Variants in DENND4A observed in about 807,000 individuals in gnomAD.
DENND4A encodes the protein DENN domain containing 4A.
DENND4A carries 70 observed loss-of-function variants against 199.3 expected under a neutral mutation model. The ratio of observed to expected loss-of-function variants is 0.35; its 90% CI spans 0.29 to 0.43. The LOEUF (loss-of-function observed/expected upper bound fraction) is 0.43, where lower values mean the gene tolerates loss of function less well. DENND4A is among the 20% of genes least tolerant of loss of function. The pLI is 1.00. For synonymous variants in DENND4A, 686 were observed against 766.9 expected, an observed-to-expected ratio of 0.89 and a Z score of 1.74; for missense variants, 1,723 against 2,255.8, an observed-to-expected ratio of 0.76 and a Z score of 4.78.
intron 11 of DENND4A, among the ~76,000 whole-genome samples, chr15:65,724,246 A>T (rs553368854): frequency 5.3e-5 from 8 of 152,148 alleles, no homozygotes; most frequent in African/African-American, 1.9e-4. Flanking sequence ...TTTTGTAGAG[A>T]TGAGGTCTTG....
rs2075924757 is a variant in DENND4A, at chr15:65,730,419, CAT to C, written c.1167-743_1167-742del. Among the ~76,000 whole-genome samples the C allele has an allele frequency of 2.0e-5, 3 of 152,074 alleles. No homozygotes were observed. The South Asian group carries it at 6.2e-4, about 32-fold the overall frequency. On this transcript the variant is annotated intron_variant, in intron 9 of 32. Coordinates refer to ENST00000443035, the MANE Select transcript of DENND4A (RefSeq NM_001320835.1). ...CAAAAGCCTCTTGGTGAAATGAAAA[CAT>C]ATGTCCACAAAAAAATCGGGGTAAG...
intron 22 of DENND4A, among the ~76,000 whole-genome samples, chr15:65,694,560 AACAC>A (rs2077081066): frequency 6.6e-6 from 1 of 152,142 alleles, no homozygotes; most frequent in Non-Finnish European, 1.5e-5. Flanking sequence ...TTTACACACA[AACAC>A]ACACAAACAC....
At chr15:65,771,260 C>A in intron 1 of DENND4A, 5 of 1,590,068 alleles carry the variant, frequency 3.1e-6, no homozygotes, top group Non-Finnish European at 3.4e-6. Flanking sequence ...GAGTCGATCA[C>A]CACGGTATAC....
At chr15:65,711,652 T>C (rs2075255051) in intron 14 of DENND4A, among the ~76,000 whole-genome samples, 1 of 152,218 alleles carries the variant, frequency 6.6e-6, no homozygotes. Flanking sequence ...TCTGGGGTGA[T>C]GAAAATATTT....
chr15:65,771,608 C>T, intron 1 of DENND4A: 3 of 1,612,526 alleles, frequency 1.9e-6, no homozygotes, highest in East Asian at 4.5e-5. Flanking sequence ...TCTTTCATGT[C>T]CACTATGTCA....
Position 65,731,928 on chromosome 15 carries a change from T to C in DENND4A, c.1108-228A>G, listed in dbSNP as rs148206854. On this transcript the variant is annotated intron_variant, in intron 8 of 32. Coordinates refer to ENST00000443035, the MANE Select transcript of DENND4A (RefSeq NM_001320835.1). ...GAATCCTCTTTTCTTCTGTCCTCAA[T>C]GGTTTCCCCTGATGCCATTTTAACA... Among the ~76,000 whole-genome samples, 231 of 152,204 alleles carry C rather than the reference T, an allele frequency of 1.5e-3. 4 individuals are homozygous for C. Among genetic ancestry groups the C allele is most frequent in the African/African-American group, 5.4e-3 (226 of 41,578 alleles).
intron 4 of DENND4A, among the ~76,000 whole-genome samples, chr15:65,744,043 A>G (rs1044500325): frequency 6.6e-6 from 1 of 152,184 alleles, no homozygotes; most frequent in African/African-American, 2.4e-5. Context: ...CAAGGAAGAA[A>G]GCAAGTACTC....
chr15:65,791,798 C>T (rs2077736024), intron 1 of DENND4A, among the ~76,000 whole-genome samples: 1 of 152,114 alleles, frequency 6.6e-6, no homozygotes, highest in African/African-American at 2.4e-5. Context: ...CGCAGAGGCG[C>T]GGGTGCTACT....
intron 1 of DENND4A, among the ~76,000 whole-genome samples, chr15:65,763,679 C>G (rs1171305580): frequency 1.1e-5 from 1 of 87,576 alleles, no homozygotes; most frequent in Non-Finnish European, 2.2e-5. Context: ...GACCTTGTCT[C>G]AAAAAAAAAA....
chr15:65,702,164 TA>T, intron 17 of DENND4A, 140 bp downstream of exon 17: 1 of 805,668 alleles, frequency 1.2e-6, no homozygotes, highest in Non-Finnish European at 2.0e-6. Context: ...TCTGGGAGGC[TA>T]AAATGGGAGG....
At chr15:65,752,670 A>C in intron 3 of DENND4A, 42 bp from the exon 4 acceptor site, 1 of 1,275,838 alleles carries the variant, frequency 7.8e-7, no homozygotes, top group Non-Finnish European at 1.1e-6. Context: ...AAGCACTTTA[A>C]ATATGAAAAG....
chr15:65,675,328 T>A (rs2076341145), intron 24 of DENND4A, among the ~76,000 whole-genome samples: 1 of 152,076 alleles, frequency 6.6e-6, no homozygotes, highest in Non-Finnish European at 1.5e-5. Flanking sequence ...ACCAGATAAG[T>A]ATCAGAAGAA....
chr15:65,742,721 G>C (rs967898633), intron 4 of DENND4A, among the ~76,000 whole-genome samples: 1 of 152,178 alleles, frequency 6.6e-6, no homozygotes, highest in African/African-American at 2.4e-5. Flanking sequence ...TTACAGGCGT[G>C]AGCCACTGTG....
chr15:65,752,654 TACAC>T (rs936719383), intron 3 of DENND4A, 26 bp from the exon 4 acceptor site: 2 of 1,359,568 alleles, frequency 1.5e-6, no homozygotes, highest in Admixed American at 2.4e-5. Context: ...TAAAAATAAA[TACAC>T]AAAGCACTTT....
At chr15:65,750,078 A>G (rs2076520870) in intron 4 of DENND4A, among the ~76,000 whole-genome samples, 1 of 152,102 alleles carries the variant, frequency 6.6e-6, no homozygotes, top group Non-Finnish European at 1.5e-5. Context: ...AAGTTAAATA[A>G]ACTGATAACG....
chr15:65,773,583 T>C (rs2077200993), intron 1 of DENND4A, among the ~76,000 whole-genome samples: 1 of 152,144 alleles, frequency 6.6e-6, no homozygotes, highest in African/African-American at 2.4e-5. Context: ...ACAAGCACAA[T>C]GGATATCACC....
intron 1 of DENND4A, among the ~76,000 whole-genome samples, chr15:65,789,193 C>A (rs990970891): frequency 6.6e-6 from 1 of 151,848 alleles, no homozygotes; most frequent in Non-Finnish European, 1.5e-5. Flanking sequence ...TTAAAAAAAA[C>A]TTTTGTTTTT....
At chr15:65,671,319 A>G (rs2076208654) in intron 25 of DENND4A, among the ~76,000 whole-genome samples, 1 of 152,250 alleles carries the variant, frequency 6.6e-6, no homozygotes, top group South Asian at 2.1e-4. Context: ...TGGATATCCA[A>G]AAGCTAAATT....
intron 23 of DENND4A, among the ~76,000 whole-genome samples, chr15:65,679,925 T>TA (rs1436479926): frequency 6.6e-6 from 1 of 152,060 alleles, no homozygotes; most frequent in Admixed American, 6.6e-5. Context: ...GGGGCTTCCT[T>TA]AAAAAAACTC....
Sources: allele counts gnomAD v4.1 joint callset (sites outside exome capture counted in the v4.1 genomes callset), GRCh38; gene constraint gnomAD v4.1.1; transcripts MANE v1.5; gene names NCBI Gene and HGNC (gene_info 2026-07-23, HGNC 2026-07-21).